The following FAT3 variants were observed in gnomAD, a reference collection of about 807,000 sequenced individuals.
The protein encoded by FAT3 is protocadherin Fat 3.
FAT3 carries 95 observed loss-of-function variants against 310.2 expected under a neutral mutation model. The observed-to-expected ratio is 0.31, with a 90% CI of 0.26 to 0.36. The LOEUF is 0.36. Ranked by LOEUF, FAT3 falls within the 10% of genes least tolerant of loss-of-function variation. FAT3 has a pLI of 1.00. For synonymous variants in FAT3, 2,314 were observed against 2,192.9 expected (o/e 1.06, Z -1.54); for missense variants, 5,408 against 5,715.6 (o/e 0.95, Z 1.74).
intron 4 of FAT3, among the ~76,000 whole-genome samples, chr11:92,738,546 T>C (rs1945416104): frequency 6.6e-6 from 1 of 152,198 alleles, no homozygotes; most frequent in African/African-American, 2.4e-5. Flanking sequence ...TGCTTTTACA[T>C]TGCAGGTCCT....
At chr11:92,746,054 A>C (rs745943567) in intron 4 of FAT3, among the ~76,000 whole-genome samples, 1 of 152,250 alleles carries the variant, frequency 6.6e-6, no homozygotes, top group Non-Finnish European at 1.5e-5. Flanking sequence ...CCTTGGTTCC[A>C]TGGATCAGAG....
intron 6 of FAT3, among the ~76,000 whole-genome samples, chr11:92,772,464 A>G (rs1946483762): frequency 3.3e-5 from 5 of 152,068 alleles, no homozygotes; most frequent in Admixed American, 2.0e-4. Context: ...CCCTTTGAAT[A>G]AGAAATGGTG....
At chr11:92,304,820 T>A (rs914011306) in intron 1 of FAT3, among the ~76,000 whole-genome samples, 1 of 151,886 alleles carries the variant, frequency 6.6e-6, no homozygotes, top group Non-Finnish European at 1.5e-5. Flanking sequence ...AGGTGTGAGG[T>A]CTGGATTGTG....
intron 3 of FAT3, among the ~76,000 whole-genome samples, chr11:92,543,322 A>G (rs1469580914): frequency 1.3e-5 from 2 of 152,180 alleles, no homozygotes; most frequent in Admixed American, 1.3e-4. Context: ...TAGCTAGAAG[A>G]CAGGATTTTG....
At chr11:92,315,508 T>TAGAGAGAGAGAGAGAG (rs1456432670) in intron 1 of FAT3, among the ~76,000 whole-genome samples, 1 of 83,350 alleles carries the variant, frequency 1.2e-5, no homozygotes, top group Non-Finnish European at 2.3e-5. Context: ...TATATATATA[T>TAGAGAGAGAGAGAGAG]ATATAGAGAG....
intron 3 of FAT3, among the ~76,000 whole-genome samples, chr11:92,529,122 C>T (rs1220039647): frequency 2.6e-5 from 4 of 152,194 alleles, no homozygotes; most frequent in South Asian, 2.1e-4. Context: ...ATACTTTCTG[C>T]ACTCAGGGAA....
At chr11:92,234,661 T>G (rs2134237097) in intron 1 of FAT3, among the ~76,000 whole-genome samples, 1 of 152,186 alleles carries the variant, frequency 6.6e-6, no homozygotes, top group East Asian at 1.9e-4. Context: ...CCCAGCATTT[T>G]GGGAGGCCGA....
At chr11:92,630,031 T>C (rs547342001) in intron 3 of FAT3, among the ~76,000 whole-genome samples, 24 of 152,320 alleles carry the variant, frequency 1.6e-4, no homozygotes, top group African/African-American at 5.8e-4. Flanking sequence ...TAATTGGTAC[T>C]CATTTCTTAA....
chr11:92,843,862 C>A, intron 18 of FAT3, 72 bp from the exon 19 acceptor site: 2 of 1,381,178 alleles, frequency 1.4e-6, no homozygotes, highest in Non-Finnish European at 2.0e-6. Context: ...CGTCTTCTAT[C>A]TGCGGGTTTT....
At chr11:92,419,382 T>C (rs909323221) in intron 2 of FAT3, among the ~76,000 whole-genome samples, 1 of 152,134 alleles carries the variant, frequency 6.6e-6, no homozygotes, top group African/African-American at 2.4e-5. Context: ...AACCTTGTAA[T>C]AGGTTGCAGG....
At chr11:92,267,995 C>T (rs1946015786) in intron 1 of FAT3, among the ~76,000 whole-genome samples, 1 of 149,878 alleles carries the variant, frequency 6.7e-6, no homozygotes, top group Non-Finnish European at 1.5e-5. Context: ...TGTACATTAC[C>T]AGCATTATAG....
chr11:92,245,903 G>T (rs937427436), intron 1 of FAT3, among the ~76,000 whole-genome samples: 2 of 152,088 alleles, frequency 1.3e-5, no homozygotes, highest in Non-Finnish European at 2.9e-5. Flanking sequence ...AACCATCTGC[G>T]CAATGGGGGA....
At chr11:92,638,683 A>T (rs1300686426) in intron 3 of FAT3, among the ~76,000 whole-genome samples, 7 of 152,216 alleles carry the variant, frequency 4.6e-5, no homozygotes, top group Non-Finnish European at 7.3e-5. Context: ...AATAATTTTC[A>T]GAAGTCATGA....
chr11:92,826,833 A>C (rs953866473), intron 13 of FAT3, among the ~76,000 whole-genome samples: 5 of 152,206 alleles, frequency 3.3e-5, no homozygotes, highest in Non-Finnish European at 7.3e-5. Context: ...ATAGGAGTGA[A>C]TGTCAGAGAC....
intron 2 of FAT3, 91 bp downstream of exon 2, chr11:92,355,495 A>G (rs989157146): frequency 4.4e-5 from 56 of 1,279,590 alleles, no homozygotes; most frequent in Non-Finnish European, 6.0e-5. Context: ...ACACTAAAAT[A>G]GAATGACAAA....
intron 1 of FAT3, among the ~76,000 whole-genome samples, chr11:92,331,790 C>T (rs1947930262): frequency 1.3e-5 from 2 of 152,046 alleles, no homozygotes; most frequent in South Asian, 2.1e-4. Context: ...AAGTTGTTGA[C>T]TAAAAATAGT....
chr11:92,478,218 A>C (rs1031476131), intron 2 of FAT3, among the ~76,000 whole-genome samples: 1 of 152,234 alleles, frequency 6.6e-6, no homozygotes, highest in African/African-American at 2.4e-5. Flanking sequence ...AACCGAATTC[A>C]TCACCTTGCC....
At position 92,892,756 on chromosome 11, in the gene FAT3, A is replaced by C. The variant is rs1262879194; in HGVS notation, c.*1643A>C. 1 of 152,092 alleles carries C rather than the reference A, an allele frequency of 6.6e-6. No homozygotes were observed. Among genetic ancestry groups the C allele is most frequent in the Non-Finnish European group, 1.5e-5 (1 of 68,018 alleles). 9.4% of individuals were successfully genotyped at this position (152,092 alleles called of 1,614,324 possible). ...ACAGTATTTTGTTATAATTTTCCAG[A>C]ACTTACCTCTGTTTTAAAAGTGTGT... On this transcript the variant is annotated 3_prime_UTR_variant, in exon 28 of 28. Coordinates refer to ENST00000525166, the MANE Select transcript of FAT3 (RefSeq NM_001367949.2).
At chr11:92,617,272 C>G (rs1940856680) in intron 3 of FAT3, among the ~76,000 whole-genome samples, 1 of 152,158 alleles carries the variant, frequency 6.6e-6, no homozygotes, top group Non-Finnish European at 1.5e-5. Flanking sequence ...ATCAAATTAG[C>G]TACTGAAGCT....
Sources: gnomAD v4.1 joint callset for allele counts (sites outside exome capture counted in the v4.1 genomes callset) on GRCh38, gnomAD v4.1.1 for gene constraint, MANE v1.5 for transcripts, NCBI Gene and HGNC (gene_info 2026-07-23, HGNC 2026-07-21) for gene names.